MIGA1: variants seen among roughly 807,000 people sequenced by gnomAD.
The protein encoded by MIGA1 is mitoguardin 1, also known as family with sequence similarity 73, member A.
A neutral mutation model predicts 82.0 loss-of-function variants in MIGA1; 58 were observed. The observed-to-expected ratio is 0.71, with a 90% CI of 0.57 to 0.88. The LOEUF is 0.88. MIGA1 is among the 40% of genes least tolerant of loss of function. MIGA1 has a pLI of 0.00. For synonymous variants in MIGA1, 249 were observed against 253.6 expected (o/e 0.98, Z 0.17); for missense variants, 751 against 749.1 (o/e 1.00, Z -0.03).
chr1:77,856,401 A>T (rs965889180), intron 8 of MIGA1, among the ~76,000 whole-genome samples: 4 of 151,604 alleles, frequency 2.6e-5, no homozygotes, highest in Admixed American at 2.6e-4. Context: ...GGTGATGCTG[A>T]ATTAGGGAGG....
chr1:77,828,139 A>G (rs1025805291), intron 7 of MIGA1, among the ~76,000 whole-genome samples: 1 of 152,194 alleles, frequency 6.6e-6, no homozygotes, highest in Non-Finnish European at 1.5e-5. Context: ...TTGACAATAC[A>G]TTATAATTAT....
At chr1:77,816,713 A>C (rs1267034345) in intron 7 of MIGA1, among the ~76,000 whole-genome samples, 2 of 152,244 alleles carry the variant, frequency 1.3e-5, no homozygotes, top group Non-Finnish European at 2.9e-5. Flanking sequence ...AAAAGTAGGC[A>C]GTATTCGTAT....
chr1:77,816,315 C>T (rs1013879095), intron 7 of MIGA1, among the ~76,000 whole-genome samples: 1 of 151,996 alleles, frequency 6.6e-6, no homozygotes, highest in Non-Finnish European at 1.5e-5. Flanking sequence ...TCTATAAATG[C>T]CCCCAAAGAA....
intron 5 of MIGA1, among the ~76,000 whole-genome samples, chr1:77,812,975 C>A (rs1683401212): frequency 6.6e-6 from 1 of 152,078 alleles, no homozygotes; most frequent in African/African-American, 2.4e-5. Context: ...ATTATCTTTT[C>A]TTCAGCTTTA....
chr1:77,846,697 C>T (rs563884177), intron 8 of MIGA1, among the ~76,000 whole-genome samples: 2 of 151,806 alleles, frequency 1.3e-5, no homozygotes, highest in East Asian at 2.0e-4. Flanking sequence ...CCTGTAATCC[C>T]AGCACTTTGG....
At chr1:77,823,524 C>T (rs1557912969) in intron 7 of MIGA1, among the ~76,000 whole-genome samples, 1 of 152,118 alleles carries the variant, frequency 6.6e-6, no homozygotes, top group Non-Finnish European at 1.5e-5. Flanking sequence ...TGCAGAATAG[C>T]ATTTCATGTT....
At chr1:77,837,245 A>G (rs555427705) in intron 7 of MIGA1, among the ~76,000 whole-genome samples, 5 of 152,330 alleles carry the variant, frequency 3.3e-5, no homozygotes, top group African/African-American at 9.6e-5. Flanking sequence ...TAAACCCAGT[A>G]TGTTTTAATA....
At chr1:77,867,220 C>T (rs1316859984) in intron 14 of MIGA1, among the ~76,000 whole-genome samples, 1 of 152,178 alleles carries the variant, frequency 6.6e-6, no homozygotes, top group East Asian at 1.9e-4. Context: ...CTACTGGGTT[C>T]AAATGCCACA....
chr1:77,787,541 A>G (rs1376548066), intron 2 of MIGA1, among the ~76,000 whole-genome samples: 2 of 151,646 alleles, frequency 1.3e-5, no homozygotes, highest in Non-Finnish European at 2.9e-5. Flanking sequence ...GGCGCCTGCC[A>G]CCATACCTGG....
At chr1:77,845,784 A>C (rs1684815858) in intron 8 of MIGA1, among the ~76,000 whole-genome samples, 1 of 152,156 alleles carries the variant, frequency 6.6e-6, no homozygotes, top group African/African-American at 2.4e-5. Flanking sequence ...TGATCGTTCG[A>C]AAACCTTTTC....
rs1291922380 is a variant in MIGA1 at position 77,877,004 on chromosome 1, A to G, written c.*1940A>G. ...AGTTGCACAAAAGGACCTAAAATGC[A>G]TTGTTTTTTGCCTTCTTTTAAGAGA... On this transcript the variant is annotated 3_prime_UTR_variant, in exon 16 of 16. Transcript: ENST00000370791. 1 of 152,090 alleles carries G rather than the reference A, an allele frequency of 6.6e-6. No homozygotes were observed. Among genetic ancestry groups the G allele is most frequent in the Non-Finnish European group, 1.5e-5 (1 of 68,020 alleles). 9.4% of individuals were successfully genotyped at this position (152,090 alleles called of 1,614,324 possible).
intron 8 of MIGA1, among the ~76,000 whole-genome samples, chr1:77,851,699 A>G (rs922666132): frequency 6.6e-6 from 1 of 152,188 alleles, no homozygotes; most frequent in Non-Finnish European, 1.5e-5. Context: ...TCACAGCTGC[A>G]GTCTTATTTT....
At chr1:77,820,061 G>GT (rs1683741404) in intron 7 of MIGA1, among the ~76,000 whole-genome samples, 1 of 151,120 alleles carries the variant, frequency 6.6e-6, no homozygotes, top group African/African-American at 2.4e-5. Context: ...AGCTGACAGA[G>GT]TAAGGAGACT....
At position 77,812,443 on chromosome 1, in the gene MIGA1, C is replaced by CAATA. The variant is rs545909699; in HGVS notation, c.638-1271_638-1268dup. Among the ~76,000 whole-genome samples the CAATA allele has an allele frequency of 6.1e-4, 92 of 151,588 alleles. 1 individual carries two copies. Among genetic ancestry groups the CAATA allele is most frequent in the South Asian group, 5.8e-3 (28 of 4,796 alleles). On this transcript the variant is annotated intron_variant, in intron 5 of 15. Coordinates refer to ENST00000370791, the MANE Select transcript of MIGA1 (RefSeq NM_198549.4). ...TGGGCAACAGAGTGAGACTCTGTCT[C>CAATA]AATAAATAAATAAATAAATAAATGA... is the stretch of plus-strand genomic sequence containing the variant.
chr1:77,834,762 A>G (rs1018540166), intron 7 of MIGA1, among the ~76,000 whole-genome samples: 8 of 152,242 alleles, frequency 5.3e-5, no homozygotes, highest in African/African-American at 1.7e-4. Context: ...TATTTAAACA[A>G]ATTATAACAG....
At chr1:77,861,564 C>G (rs770635108) in intron 12 of MIGA1, 1 of 424,618 alleles carries the variant, frequency 2.4e-6, no homozygotes, top group East Asian at 4.6e-5. Context: ...TCCTGTCCTC[C>G]TTCCCTTGTT....
At chr1:77,869,805 G>C (rs1685854461) in intron 14 of MIGA1, among the ~76,000 whole-genome samples, 2 of 106,936 alleles carry the variant, frequency 1.9e-5, no homozygotes, top group African/African-American at 7.7e-5. Context: ...CTTCCCAGTA[G>C]GGGCGGCCGG....
intron 1 of MIGA1, 49 bp downstream of exon 1, chr1:77,779,785 G>C (rs1259590961): frequency 6.6e-7 from 1 of 1,515,106 alleles, no homozygotes; most frequent in South Asian, 1.2e-5. Context: ...GGGAGGAAGC[G>C]GAGAGTTGAG....
chr1:77,821,247 T>C (rs983296819), intron 7 of MIGA1, among the ~76,000 whole-genome samples: 4 of 152,180 alleles, frequency 2.6e-5, no homozygotes, highest in Non-Finnish European at 5.9e-5. Flanking sequence ...TTGTTATTGT[T>C]AGTTTCTTAC....
Sources: allele counts gnomAD v4.1 joint callset (sites outside exome capture counted in the v4.1 genomes callset), GRCh38; gene constraint gnomAD v4.1.1; transcripts MANE v1.5; gene names NCBI Gene and HGNC (gene_info 2026-07-23, HGNC 2026-07-21).